Variants in CLASP1 observed in about 807,000 individuals in gnomAD.
The protein encoded by CLASP1 is cytoplasmic linker associated protein 1, also known as CLIP-associating protein 1.
A neutral mutation model predicts 192.3 loss-of-function variants in CLASP1; 38 were observed. The observed-to-expected ratio is 0.20, with a 90% confidence interval of 0.15 to 0.26. CLASP1 has a LOEUF of 0.26. CLASP1 is among the 10% of genes least tolerant of loss of function. CLASP1 has a pLI of 1.00. For synonymous variants in CLASP1, 691 were observed against 712.8 expected, an observed-to-expected ratio of 0.97 and a Z score of 0.49; for missense variants, 1,433 against 1,932.5, an observed-to-expected ratio of 0.74 and a Z score of 4.85.
chr2:121,365,336 G>C, intron 35 of CLASP1, 52 bp from the exon 37 acceptor site: 1 of 1,524,144 alleles, frequency 6.6e-7, no homozygotes, highest in Non-Finnish European at 9.0e-7. Flanking sequence ...GCCCAGCACA[G>C]GGGCTTGCTC....
chr2:121,593,862 T>C (rs939745293), intron 2 of CLASP1, among the ~76,000 whole-genome samples: 5 of 148,662 alleles, frequency 3.4e-5, no homozygotes, highest in African/African-American at 1.2e-4. Flanking sequence ...AATACAAAAT[T>C]AGCCAGGGTG....
At chr2:121,384,320 C>T (rs1286433707) in intron 32 of CLASP1, among the ~76,000 whole-genome samples, 1 of 151,912 alleles carries the variant, frequency 6.6e-6, no homozygotes, top group Non-Finnish European at 1.5e-5. Flanking sequence ...TTCCAAGTAG[C>T]TGAGAACACA....
chr2:121,542,345 G>T (rs2095251972), intron 2 of CLASP1, among the ~76,000 whole-genome samples: 3 of 152,130 alleles, frequency 2.0e-5, no homozygotes, highest in Admixed American at 1.3e-4. Flanking sequence ...TGCACTAGGT[G>T]CTGCTTTAAA....
intron 2 of CLASP1, among the ~76,000 whole-genome samples, chr2:121,594,637 C>T (rs1036415053): frequency 2.6e-5 from 4 of 152,004 alleles, no homozygotes; most frequent in Non-Finnish European, 4.4e-5. Context: ...GTGATCTGCC[C>T]GCCTTGGCCT....
intron 1 of CLASP1, among the ~76,000 whole-genome samples, chr2:121,609,348 C>T (rs2064887444): frequency 6.6e-6 from 1 of 152,136 alleles, no homozygotes; most frequent in South Asian, 2.1e-4. Context: ...TTAGTACACT[C>T]AAAAACAGGT....
At chr2:121,500,628 T>C (rs777024994) in intron 8 of CLASP1, among the ~76,000 whole-genome samples, 3 of 152,184 alleles carry the variant, frequency 2.0e-5, no homozygotes, top group Admixed American at 6.5e-5. Context: ...AGGTGGTTTG[T>C]TTTTTGACAG....
At chr2:121,483,001 C>T (rs572836410) in intron 8 of CLASP1, among the ~76,000 whole-genome samples, 2 of 152,300 alleles carry the variant, frequency 1.3e-5, no homozygotes, top group African/African-American at 4.8e-5. Flanking sequence ...CCTCTAGTCC[C>T]CTCCATCAGC....
At chr2:121,523,850 A>C (rs1454887292) in intron 6 of CLASP1, among the ~76,000 whole-genome samples, 1 of 152,212 alleles carries the variant, frequency 6.6e-6, no homozygotes, top group East Asian at 1.9e-4. Flanking sequence ...CACACAGACA[A>C]GACAGGCCCA....
chr2:121,633,011 T>C (rs902163875), intron 1 of CLASP1, among the ~76,000 whole-genome samples: 8 of 146,000 alleles, frequency 5.5e-5, no homozygotes, highest in African/African-American at 2.1e-4. Flanking sequence ...TGTGTGCATA[T>C]ATATATATAT....
At chr2:121,451,803 G>A in exon 15 of CLASP1, 1 of 1,575,486 alleles carries the variant, frequency 6.3e-7, no homozygotes. Flanking sequence ...TCTAGTGAAT[G>A]TGTCTGCCAT....
intron 6 of CLASP1, among the ~76,000 whole-genome samples, chr2:121,519,179 T>C (rs2094399724): frequency 1.3e-5 from 2 of 152,206 alleles, no homozygotes; most frequent in African/African-American, 4.8e-5. Context: ...GACAAAACAC[T>C]AGAACTCCTT....
At chr2:121,350,447 G>A (rs1289443509) in intron 37 of CLASP1, among the ~76,000 whole-genome samples, 1 of 152,202 alleles carries the variant, frequency 6.6e-6, no homozygotes, top group East Asian at 1.9e-4. Flanking sequence ...GCTGGGCTCA[G>A]AGGCCATATA....
chr2:121,607,005 G>A (rs1321576505), intron 1 of CLASP1, among the ~76,000 whole-genome samples: 2 of 152,130 alleles, frequency 1.3e-5, no homozygotes, highest in Non-Finnish European at 1.5e-5. Flanking sequence ...GCAGTGAGCC[G>A]AGATTGCGCC....
At chr2:121,530,845 C>T (rs2094772438) in intron 2 of CLASP1, 1 of 666,916 alleles carries the variant, frequency 1.5e-6, no homozygotes, top group Non-Finnish European at 2.8e-6. Context: ...CAGGTATTGG[C>T]GCTTCCTGCT....
At chr2:121,460,589 A>G (rs979659929) in intron 11 of CLASP1, among the ~76,000 whole-genome samples, 17 of 152,186 alleles carry the variant, frequency 1.1e-4, no homozygotes, top group African/African-American at 4.1e-4. Flanking sequence ...TTTGAAATAC[A>G]ATATAATGGC....
At position 121,452,681 on chromosome 2, in the gene CLASP1, C is replaced by T. The variant is rs923723253; in HGVS notation, c.1386-832G>A. Among the ~76,000 whole-genome samples, 13 of 152,184 alleles carry T rather than the reference C, an allele frequency of 8.5e-5. 1 individual carries two copies. The South Asian group carries it at 2.5e-3, about 29-fold the overall frequency. On this transcript the variant is annotated intron_variant, in intron 14 of 39. Transcript: ENST00000263710. ...TGGCGGGCGCCTGTAATCCCAGCTA[C>T]TCAGGAGGCTGAGGCAGAAGAATCA...
intron 1 of CLASP1, among the ~76,000 whole-genome samples, chr2:121,643,978 T>C (rs2072637754): frequency 6.6e-6 from 1 of 152,088 alleles, no homozygotes; most frequent in Non-Finnish European, 1.5e-5. Context: ...CCCAAAGAGA[T>C]TCCAGTGACT....
chr2:121,375,575 G>A (rs2069900926), intron 34 of CLASP1, among the ~76,000 whole-genome samples: 1 of 152,016 alleles, frequency 6.6e-6, no homozygotes, highest in Non-Finnish European at 1.5e-5. Context: ...TGTTGGCCAG[G>A]ATGGTCTCGA....
chr2:121,379,090 T>C (rs1490489880), intron 33 of CLASP1, among the ~76,000 whole-genome samples: 11 of 151,886 alleles, frequency 7.2e-5, no homozygotes, highest in Admixed American at 3.3e-4. Context: ...CTAGGGCTGG[T>C]GCTGGTAGGT....
Sources: gnomAD v4.1 joint callset for allele counts (sites outside exome capture counted in the v4.1 genomes callset) on GRCh38, gnomAD v4.1.1 for gene constraint, MANE v1.5 for transcripts, NCBI Gene and HGNC (gene_info 2026-07-23, HGNC 2026-07-21) for gene names.